MBNL1: variants seen among roughly 807,000 people sequenced by gnomAD.
MBNL1 encodes muscleblind-like protein 1.
Under a neutral mutation model 42.2 loss-of-function variants are expected in MBNL1, and 8 were observed. The ratio of observed to expected loss-of-function variants is 0.19; its 90% CI spans 0.11 to 0.34. The LOEUF is 0.34. Among genes scored for constraint, MBNL1 ranks in the 10% least tolerant of loss-of-function variants. The pLI is 1.00. For synonymous variants in MBNL1, 169 were observed against 173.9 expected, an observed-to-expected ratio of 0.97 and a Z score of 0.22; for missense variants, 309 against 495.3, an observed-to-expected ratio of 0.62 and a Z score of 3.57.
intron 2 of MBNL1, among the ~76,000 whole-genome samples, chr3:152,397,002 A>G (rs1001025804): frequency 6.6e-6 from 1 of 152,220 alleles, no homozygotes; most frequent in Non-Finnish European, 1.5e-5. Flanking sequence ...AAGGACAGAA[A>G]TACACTCATG....
intron 2 of MBNL1, among the ~76,000 whole-genome samples, chr3:152,372,445 G>A (rs1391064764): frequency 6.6e-6 from 1 of 152,148 alleles, no homozygotes; most frequent in Admixed American, 6.5e-5. Context: ...ATCTGCCTTT[G>A]GTCTTTGATG....
upstream of MBNL1, chr3:152,268,660 G>C: frequency 2.4e-6 from 1 of 423,906 alleles, no homozygotes; most frequent in Non-Finnish European, 4.7e-6. Flanking sequence ...CGCGGGCTCC[G>C]GCTTCCTCCT....
chr3:152,383,399 G>A (rs1406347464), intron 2 of MBNL1, among the ~76,000 whole-genome samples: 9 of 152,068 alleles, frequency 5.9e-5, no homozygotes, highest in Admixed American at 5.9e-4. Flanking sequence ...TTTGTGTCAT[G>A]CCTCACCACA....
intron 1 of MBNL1, among the ~76,000 whole-genome samples, chr3:152,287,304 A>G (rs1186261077): frequency 6.6e-6 from 1 of 152,200 alleles, no homozygotes; most frequent in Non-Finnish European, 1.5e-5. Context: ...AATAATCATA[A>G]CAGAGCTTTT....
chr3:152,450,267 C>G (rs138005049), intron 6 of MBNL1, among the ~76,000 whole-genome samples: 24 of 152,052 alleles, frequency 1.6e-4, no homozygotes, highest in African/African-American at 5.1e-4. Flanking sequence ...GCAAGTTGAC[C>G]TTTATTAATC....
chr3:152,278,519 A>G (rs2046568557), intron 1 of MBNL1, among the ~76,000 whole-genome samples: 1 of 152,178 alleles, frequency 6.6e-6, no homozygotes, highest in African/African-American at 2.4e-5. Context: ...AATTCTGCAT[A>G]ATGCTTTCTG....
intron 2 of MBNL1, among the ~76,000 whole-genome samples, chr3:152,326,990 G>C (rs2080775856): frequency 6.6e-6 from 1 of 151,710 alleles, no homozygotes; most frequent in Non-Finnish European, 1.5e-5. Flanking sequence ...TGTATTTTTA[G>C]TAGAGATGGG....
intron 4 of MBNL1, among the ~76,000 whole-genome samples, chr3:152,437,356 C>G (rs773143746): frequency 1.3e-5 from 2 of 152,168 alleles, no homozygotes; most frequent in Non-Finnish European, 2.9e-5. Context: ...AAACTGACAT[C>G]TTTACAGCAC....
chr3:152,364,217 C>T (rs1430254332), intron 2 of MBNL1, among the ~76,000 whole-genome samples: 1 of 152,002 alleles, frequency 6.6e-6, no homozygotes, highest in Admixed American at 6.6e-5. Flanking sequence ...CAAGAAATAG[C>T]ATCTTTATTT....
rs79130661 is a variant in MBNL1, at chr3:152,464,511, T to C, written c.*2145T>C. ...AGACAATTGAGTAATATTTTGATGA[T>C]TTATTTTGTTTGTAATTAGTTATTA... On this transcript the variant is annotated 3_prime_UTR_variant, in exon 10 of 10. Coordinates refer to ENST00000324210, the MANE Select transcript of MBNL1 (RefSeq NM_021038.5). 0.069 allele frequency: 10,468 copies of C among 152,654 alleles called. 484 individuals carry two copies. The highest frequency in any genetic ancestry group is 0.16 in the Middle Eastern group (46 of 294). 9.5% of individuals were successfully genotyped at this position (152,654 alleles called of 1,614,324 possible).
intron 2 of MBNL1, among the ~76,000 whole-genome samples, chr3:152,353,151 C>T (rs2095224402): frequency 6.6e-6 from 1 of 152,176 alleles, no homozygotes; most frequent in Admixed American, 6.5e-5. Context: ...ACCTCAGTCT[C>T]AGAAGCTTAT....
Position 152,364,974 on chromosome 3 carries a change from A to G in MBNL1, c.175-49967A>G, listed in dbSNP as rs534994748. ...GACTGCTTCATGTGTGTGCTCATCT[A>G]TCTGTCTTCTATCTCACCGAGTTGT... On this transcript the variant is annotated intron_variant, in intron 2 of 9. Coordinates refer to ENST00000324210, the MANE Select transcript of MBNL1 (RefSeq NM_021038.5). Among the ~76,000 whole-genome samples, 37 of 152,070 alleles carry G rather than the reference A, an allele frequency of 2.4e-4. No homozygotes were observed. The South Asian group carries it at 5.2e-3, about 21-fold the overall frequency.
At chr3:152,400,031 G>T (rs990371164) in intron 2 of MBNL1, among the ~76,000 whole-genome samples, 3 of 152,108 alleles carry the variant, frequency 2.0e-5, no homozygotes, top group Non-Finnish European at 4.4e-5. Context: ...GCTTAACATT[G>T]TCGGGACCTT....
At chr3:152,381,994 G>A (rs2097196677) in intron 2 of MBNL1, among the ~76,000 whole-genome samples, 2 of 151,996 alleles carry the variant, frequency 1.3e-5, no homozygotes, top group African/African-American at 2.4e-5. Flanking sequence ...TAGGTGTTTG[G>A]CGTCTTTCTC....
chr3:152,323,351 G>A (rs948142843), intron 2 of MBNL1, among the ~76,000 whole-genome samples: 1 of 151,754 alleles, frequency 6.6e-6, no homozygotes, highest in Non-Finnish European at 1.5e-5. Context: ...TTTTTTTAAA[G>A]AAATAGTGTA....
chr3:152,358,186 A>AT (rs1208984558), intron 2 of MBNL1, among the ~76,000 whole-genome samples: 2 of 152,176 alleles, frequency 1.3e-5, no homozygotes, highest in Non-Finnish European at 2.9e-5. Flanking sequence ...ATAAAGAGAG[A>AT]TTTTTTTAAG....
chr3:152,395,424 T>C (rs2097888643), intron 2 of MBNL1, among the ~76,000 whole-genome samples: 1 of 152,216 alleles, frequency 6.6e-6, no homozygotes. Context: ...TGTTTTTTCT[T>C]CTCAAGCATT....
intron 2 of MBNL1, among the ~76,000 whole-genome samples, chr3:152,403,180 C>T (rs75232171): frequency 1.3e-5 from 2 of 148,164 alleles, no homozygotes; most frequent in Admixed American, 1.4e-4. Flanking sequence ...GTGCTTTCCC[C>T]TCTCACGTTC....
At chr3:152,365,065 C>A (rs1041037795) in intron 2 of MBNL1, among the ~76,000 whole-genome samples, 1 of 151,984 alleles carries the variant, frequency 6.6e-6, no homozygotes, top group African/African-American at 2.4e-5. Flanking sequence ...TAATGCCAAA[C>A]CTTAGGATAG....
Sources: allele counts gnomAD v4.1 joint callset (sites outside exome capture counted in the v4.1 genomes callset), GRCh38; gene constraint gnomAD v4.1.1; transcripts MANE v1.5; gene names NCBI Gene and HGNC (gene_info 2026-07-23, HGNC 2026-07-21).